ZNF75A: variants seen among roughly 807,000 people sequenced by gnomAD.
ZNF75A encodes the protein zinc finger protein 75A.
A neutral mutation model predicts 46.3 loss-of-function variants in ZNF75A; 36 were observed. The observed-to-expected ratio is 0.78, with a 90% CI of 0.60 to 1.03. ZNF75A has a LOEUF of 1.03. ZNF75A is among the 50% of genes least tolerant of loss of function. The probability of loss-of-function intolerance (pLI) is 0.00; values close to 1 mark genes in which losing one functional copy is unlikely to be tolerated. For missense variants in ZNF75A, 595 were observed against 551.3 expected, an observed-to-expected ratio of 1.08 and a Z score of -0.79; for synonymous variants, 234 against 189.9, an observed-to-expected ratio of 1.23 and a Z score of -1.91.
At position 3,311,735 on chromosome 16, in the gene ZNF75A, G is replaced by A; in HGVS notation, c.409-18G>A. On this transcript the variant is annotated intron_variant, in intron 2 of 6. Coordinates refer to ENST00000669516, the MANE Select transcript of ZNF75A (RefSeq NM_001302109.2). ...CAAAAGTAAGTTCTGTGGTAACAAG[G>A]ATGGGAATTATTTCTAGGTTGCAGT... 1.9e-6 allele frequency: 2 copies of A among 1,046,612 alleles called. No homozygotes were observed. The highest frequency in any genetic ancestry group is 3.5e-5 in the South Asian group (1 of 28,470). 64.8% of individuals were successfully genotyped at this position (1,046,612 alleles called of 1,614,324 possible).
downstream of ZNF75A, among the ~76,000 whole-genome samples, chr16:3,321,510 C>T (rs2029945256): frequency 6.6e-6 from 1 of 152,190 alleles, no homozygotes; most frequent in South Asian, 2.1e-4. Context: ...ATTTTTGAGA[C>T]AAGGGTCTCT....
chr16:3,320,295 C>G (rs58782800), downstream of ZNF75A, among the ~76,000 whole-genome samples: 5 of 152,198 alleles, frequency 3.3e-5, no homozygotes, highest in Non-Finnish European at 1.5e-5. Flanking sequence ...CCACCCGCCT[C>G]GGCCTCCCAA....
chr16:3,313,287 A>G, intron 5 of ZNF75A, 112 bp downstream of exon 5: 2 of 1,108,462 alleles, frequency 1.8e-6, no homozygotes, highest in Non-Finnish European at 2.6e-6. Context: ...ATTCTCATCT[A>G]GATGGTATAG....
chr16:3,310,350 C>T (rs1490959464), intron 2 of ZNF75A, among the ~76,000 whole-genome samples: 3 of 151,498 alleles, frequency 2.0e-5, no homozygotes, highest in East Asian at 3.9e-4. Flanking sequence ...GCTGAGATTG[C>T]ACCACTGCAC....
chr16:3,321,915 C>T (rs1311218813), downstream of ZNF75A, among the ~76,000 whole-genome samples: 1 of 152,172 alleles, frequency 6.6e-6, no homozygotes, highest in African/African-American at 2.4e-5. Context: ...GAAGAACGCC[C>T]AGCAGCCTCT....
In ZNF75A at chr16:3,308,337, A is replaced by G. The variant is rs1960443626; in HGVS notation, c.-92A>G. 2 of 887,970 alleles carry G rather than the reference A, an allele frequency of 2.3e-6. No homozygotes were observed. Among genetic ancestry groups the G allele is most frequent in the Admixed American group, 1.2e-4 (2 of 16,148 alleles). 55.0% of individuals were successfully genotyped at this position (887,970 alleles called of 1,614,324 possible). A position where few individuals can be genotyped will look rare whatever the true frequency, so the allele number is the denominator to read the frequency against. ...GTGCTTTTAGGAAGAAGATCCTTTT[A>G]TTGCTTTTGTACAAGACCAGACAGG... On this transcript the variant is annotated 5_prime_UTR_variant, in exon 2 of 7. Transcript: ENST00000669516.
downstream of ZNF75A, among the ~76,000 whole-genome samples, chr16:3,320,111 T>C (rs546269530): frequency 6.6e-6 from 1 of 152,196 alleles, no homozygotes; most frequent in South Asian, 2.1e-4. Context: ...AGTGGCGCAA[T>C]GTCAGCTCAC....
chr16:3,317,524 T>C lies in ZNF75A; in HGVS notation c.1269T>C (p.Ile423=). ...VSSDLIKHQR[I]HTEEKPYKCQ... ...CTGACCTTATTAAGCACCAAAGAAT[T>C]CACACTGAAGAGAAACCCTATAAAT... The change falls in exon 7 of 7, where the codon ATT becomes ATC. Residue 423 remains isoleucine, a synonymous_variant. Transcript: ENST00000669516. 6.2e-7 allele frequency: 1 copy of C among 1,613,948 alleles called. No individual in the cohort carries two copies. The highest frequency in any genetic ancestry group is 8.5e-7 in the Non-Finnish European group (1 of 1,179,968).
chr16:3,313,445 G>A (rs1960961027), intron 5 of ZNF75A, among the ~76,000 whole-genome samples: 2 of 152,104 alleles, frequency 1.3e-5, no homozygotes, highest in South Asian at 2.1e-4. Flanking sequence ...TCAGTAAGGG[G>A]CACATTCATT....
At chr16:3,316,221 C>G (rs1409527641) in intron 5 of ZNF75A, 1 of 152,220 alleles carries the variant, frequency 6.6e-6, no homozygotes, top group East Asian at 1.9e-4. Context: ...AATCAGGGGT[C>G]TTCTTCACTA....
chr16:3,307,302 C>T (rs1960356765), intron 1 of ZNF75A: 1 of 151,986 alleles, frequency 6.6e-6, no homozygotes, highest in Non-Finnish European at 1.5e-5. Flanking sequence ...CTTATTGTAC[C>T]TAATTTATAA....
At chr16:3,311,345 G>C (rs967977642) in intron 2 of ZNF75A, among the ~76,000 whole-genome samples, 3 of 152,070 alleles carry the variant, frequency 2.0e-5, no homozygotes, top group African/African-American at 7.2e-5. Flanking sequence ...GGCTGAGGCA[G>C]GAGAATCACT....
intron 5 of ZNF75A, among the ~76,000 whole-genome samples, chr16:3,314,115 A>G (rs556994103): frequency 3.3e-5 from 5 of 152,248 alleles, no homozygotes; most frequent in Non-Finnish European, 7.4e-5. Flanking sequence ...GAGGATAATC[A>G]TCTGGGGAAC....
At chr16:3,319,334 C>T (rs561914613), downstream of ZNF75A, among the ~76,000 whole-genome samples, 36 of 152,208 alleles carry the variant, frequency 2.4e-4, 2 homozygotes, top group South Asian at 6.2e-3. Flanking sequence ...AGGCTGGTCT[C>T]GAACTCCTGA....
chr16:3,322,075 C>T (rs1048540113), downstream of ZNF75A, among the ~76,000 whole-genome samples: 2 of 152,010 alleles, frequency 1.3e-5, no homozygotes, highest in African/African-American at 4.8e-5. Flanking sequence ...TGTTACTCTT[C>T]TCTTGGAGGT....
chr16:3,322,968 G>C, downstream of ZNF75A: 1 of 983,374 alleles, frequency 1.0e-6, no homozygotes, highest in Non-Finnish European at 1.2e-6. Flanking sequence ...GGCAGCCAAT[G>C]TAGAAAATGC....
At position 3,313,204 on chromosome 16, in the gene ZNF75A, T is replaced by A. The variant is rs532701789; in HGVS notation, c.823+29T>A. The A allele has an allele frequency of 4.5e-5, 72 of 1,608,228 alleles. 1 individual carries two copies. The South Asian group carries it at 7.5e-4, about 17-fold the overall frequency. ...AAGATTTTCCCTTCCCTTTATGTAGTTGAGTACTCTATTCTTGGCTTACTG... is the reference window on the plus strand; with the variant it reads ...AAGATTTTCCCTTCCCTTTATGTAGATGAGTACTCTATTCTTGGCTTACTG... On this transcript the variant is annotated intron_variant, in intron 5 of 6. Coordinates refer to ENST00000669516, the MANE Select transcript of ZNF75A (RefSeq NM_001302109.2).
At position 3,317,275 on chromosome 16, in the gene ZNF75A, A is replaced by T; in HGVS notation, c.1020A>T (p.Ser340=). Residue 340 remains serine (S), a synonymous_variant, in exon 7 of 7, where the codon TCA becomes TCT. Transcript: ENST00000669516. The part of the protein sequence containing the change: ...LEIQASAGVI[S]KKAKVKVPQK... ...TACAAGCATCAGCAGGCGTCATATC[A>T]AAAAAGGCCAAAGTAAAAGTTCCCC... The T allele has an allele frequency of 6.2e-7, 1 of 1,614,012 alleles. No homozygotes were observed. The highest frequency in any genetic ancestry group is 8.5e-7 in the Non-Finnish European group (1 of 1,180,004).
At chr16:3,313,672 A>G (rs1445300740) in intron 5 of ZNF75A, among the ~76,000 whole-genome samples, 1 of 152,216 alleles carries the variant, frequency 6.6e-6, no homozygotes, top group Admixed American at 6.5e-5. Flanking sequence ...GTGCGCCTGC[A>G]TCTCCTTGTG....
Sources: allele counts gnomAD v4.1 joint callset (sites outside exome capture counted in the v4.1 genomes callset), GRCh38; gene constraint gnomAD v4.1.1; transcripts MANE v1.5; gene names NCBI Gene and HGNC (gene_info 2026-07-23, HGNC 2026-07-21).